SLIT3: variants seen among roughly 807,000 people sequenced by gnomAD.
SLIT3 encodes slit guidance ligand 3, also known as slit homolog 3 protein.
A neutral mutation model predicts 184.0 loss-of-function variants in SLIT3; 68 were observed. The ratio of observed to expected loss-of-function variants is 0.37; its 90% CI spans 0.30 to 0.45. The LOEUF is 0.45. Among genes scored for constraint, SLIT3 ranks in the 20% least tolerant of loss-of-function variants. The pLI is 1.00. For missense variants in SLIT3, 1,707 were observed against 2,026.0 expected (o/e 0.84, Z 3.02); for synonymous variants, 831 against 828.6 (o/e 1.00, Z -0.05).
intron 4 of SLIT3, among the ~76,000 whole-genome samples, chr5:169,005,790 T>C (rs939315114): frequency 1.3e-5 from 2 of 152,214 alleles, no homozygotes; most frequent in African/African-American, 4.8e-5. Flanking sequence ...TGAGTACTTG[T>C]GCCTTTGGCA....
chr5:168,753,460 T>G (rs934895736), intron 17 of SLIT3, among the ~76,000 whole-genome samples: 7 of 152,266 alleles, frequency 4.6e-5, no homozygotes, highest in Admixed American at 4.6e-4. Flanking sequence ...TGCTTGTGTG[T>G]CTGTGCCTGT....
chr5:168,782,077 G>A (rs146519863), intron 12 of SLIT3, among the ~76,000 whole-genome samples: 148 of 152,302 alleles, frequency 9.7e-4, no homozygotes, highest in Non-Finnish European at 2.0e-3. Context: ...AACAGCTGGT[G>A]GGGAAAAGTG....
chr5:168,708,017 G>C lies in SLIT3; in HGVS notation c.2803C>G (p.Pro935Ala). ...CAGGCACAGCGGTACAGCTCCACAGGGTCCTGGGTGCATGTCCCGTTATTC... is the reference window on the plus strand; with the variant it reads ...CAGGCACAGCGGTACAGCTCCACAGCGTCCTGGGTGCATGTCCCGTTATTC... ...CKNNGTCTQD[P>A]VELYRCACPY... The change falls in exon 26 of 36, where the codon CCT (proline) becomes GCT (alanine). Residue 935 changes from proline (P) to alanine (A), a missense_variant. This residue lies in a region of SLIT3 where 1,307 missense variants were observed against 1,511.6 expected (regional missense o/e 0.86). Transcript: ENST00000519560. 3 of 1,614,202 alleles carry C rather than the reference G, an allele frequency of 1.9e-6. No individual in the cohort carries two copies. Among genetic ancestry groups the C allele is most frequent in the Non-Finnish European group, 2.5e-6 (3 of 1,180,030 alleles).
chr5:169,213,585 G>T (rs186892181), intron 3 of SLIT3, among the ~76,000 whole-genome samples: 2 of 152,140 alleles, frequency 1.3e-5, no homozygotes, highest in East Asian at 3.9e-4. Flanking sequence ...TCCTCCAGGA[G>T]ATCTTCCTTG....
chr5:168,963,090 G>A (rs1356869012), intron 4 of SLIT3, among the ~76,000 whole-genome samples: 8 of 152,160 alleles, frequency 5.3e-5, no homozygotes, highest in Non-Finnish European at 8.8e-5. Context: ...AGGGGTTGGC[G>A]AACTATGGCC....
chr5:168,832,763 G>A (rs545472965), intron 6 of SLIT3, among the ~76,000 whole-genome samples: 64 of 152,262 alleles, frequency 4.2e-4, no homozygotes, highest in Non-Finnish European at 4.6e-4. Flanking sequence ...AAAGCCAGAC[G>A]TCTAGAATTT....
At chr5:169,108,952 TG>T (rs545724601) in intron 4 of SLIT3, among the ~76,000 whole-genome samples, 1 of 152,130 alleles carries the variant, frequency 6.6e-6, no homozygotes, top group Non-Finnish European at 1.5e-5. Context: ...GACAGGCCCT[TG>T]GGGGGTCTCT....
At chr5:168,711,689 A>T (rs915911605) in intron 24 of SLIT3, among the ~76,000 whole-genome samples, 6 of 152,302 alleles carry the variant, frequency 3.9e-5, no homozygotes, top group African/African-American at 1.4e-4. Context: ...AGAGGTGTAT[A>T]AAAAAATGTA....
intron 4 of SLIT3, among the ~76,000 whole-genome samples, chr5:168,923,310 C>G (rs1306470578): frequency 1.3e-5 from 2 of 152,062 alleles, no homozygotes; most frequent in African/African-American, 4.8e-5. Context: ...ATCCTTATAT[C>G]TGACCAACCA....
rs61735415 is a variant in SLIT3, at chr5:168,711,007, C to T, written c.2607G>A (p.Ser869=). 11 of 1,578,884 alleles carry T rather than the reference C, an allele frequency of 7.0e-6. No individual in the cohort carries two copies. The African/African-American group carries it at 8.1e-5, about 12-fold the overall frequency. Residue 869 remains serine, a synonymous_variant, in exon 25 of 36, where the codon TCG becomes TCA. Coordinates refer to ENST00000519560, the MANE Select transcript of SLIT3 (RefSeq NM_003062.4). ...LHCDCSLRWL[S]EWVKAGYKEP... ...CCTTGTACCCCGCCTTCACCCACTC[C>T]GACAGCCACCGAAGACTGCAGTCAC... is the stretch of plus-strand genomic sequence containing the variant.
At chr5:168,781,584 T>G (rs888977749) in intron 12 of SLIT3, among the ~76,000 whole-genome samples, 5 of 152,194 alleles carry the variant, frequency 3.3e-5, no homozygotes, top group Admixed American at 2.0e-4. Flanking sequence ...GCTCCTTGAC[T>G]ATCCTCTCAT....
chr5:168,732,326 T>G (rs564482601), intron 20 of SLIT3, among the ~76,000 whole-genome samples: 4 of 152,082 alleles, frequency 2.6e-5, no homozygotes, highest in Non-Finnish European at 4.4e-5. Context: ...CACAAACAAA[T>G]GGAAAAACAT....
intron 4 of SLIT3, among the ~76,000 whole-genome samples, chr5:169,146,338 C>T (rs373179099): frequency 6.6e-6 from 1 of 152,224 alleles, no homozygotes. Context: ...ATACATGACG[C>T]AGTGTTTGGC....
At position 168,673,349 on chromosome 5, in the gene SLIT3, G is replaced by C. The variant is rs763602922; in HGVS notation, c.3687-18C>G. On this transcript the variant is annotated intron_variant, in intron 32 of 35. Transcript: ENST00000519560. ...TCTCCACACTGGCCAGTAGAGAAGG[G>C]GAGAAAGCCGGAGAGTTCACTAAGG... 6.2e-7 allele frequency: 1 copy of C among 1,612,864 alleles called. No homozygotes were observed. The highest frequency in any genetic ancestry group is 1.1e-5 in the South Asian group (1 of 91,020).
intron 23 of SLIT3, among the ~76,000 whole-genome samples, chr5:168,719,129 G>T (rs1762854384): frequency 6.6e-6 from 1 of 152,184 alleles, no homozygotes; most frequent in Admixed American, 6.5e-5. Flanking sequence ...ACTGCTTACT[G>T]CAGCCTCCAC....
intron 1 of SLIT3, among the ~76,000 whole-genome samples, chr5:169,286,415 T>C (rs1323488596): frequency 6.6e-6 from 1 of 152,200 alleles, no homozygotes; most frequent in Non-Finnish European, 1.5e-5. Flanking sequence ...GCAGCTGTCC[T>C]GGCCTCTCTC....
intron 6 of SLIT3, among the ~76,000 whole-genome samples, chr5:168,830,725 C>T (rs1757854923): frequency 6.6e-6 from 1 of 152,248 alleles, no homozygotes; most frequent in Non-Finnish European, 1.5e-5. Flanking sequence ...ATAAACTCTG[C>T]TCAGATCTCA....
intron 4 of SLIT3, among the ~76,000 whole-genome samples, chr5:168,931,267 C>T (rs1347164419): frequency 6.6e-6 from 1 of 152,174 alleles, no homozygotes; most frequent in Non-Finnish European, 1.5e-5. Flanking sequence ...TATGGACTAC[C>T]TTTTACCTGG....
At chr5:168,718,677 T>TACACACACACACACACACAC (rs1163238928) in intron 23 of SLIT3, among the ~76,000 whole-genome samples, 2 of 108,588 alleles carry the variant, frequency 1.8e-5, no homozygotes, top group African/African-American at 3.3e-5. Flanking sequence ...TATCCACCCA[T>TACACACACACACACACACAC]ACACACACAC....
Sources: allele counts gnomAD v4.1 joint callset (sites outside exome capture counted in the v4.1 genomes callset), GRCh38; gene constraint gnomAD v4.1.1; regional missense constraint gnomAD v4.1.1; transcripts MANE v1.5; gene names NCBI Gene and HGNC (gene_info 2026-07-23, HGNC 2026-07-21).